The following ZNF678 variants were observed in gnomAD, a reference collection of about 807,000 sequenced individuals.
The protein encoded by ZNF678 is zinc finger protein 678.
A neutral mutation model predicts 3.0 loss-of-function variants in ZNF678; 5 were observed. The ratio of observed to expected loss-of-function variants is 1.69; its 90% CI spans 0.88 to 3.56. The LOEUF (loss-of-function observed/expected upper bound fraction) is 3.56. ZNF678 is among the 30% of genes most tolerant of loss of function. The pLI, the probability that ZNF678 is intolerant of heterozygous loss-of-function variation, is 0.00. For missense variants in ZNF678, 593 were observed against 605.0 expected (o/e 0.98, Z 0.21); for synonymous variants, 218 against 199.6 (o/e 1.09, Z -0.78).
At position 227,645,119 on chromosome 1, in the gene ZNF678, T is replaced by C. The variant is rs866634278; in HGVS notation, c.-163-1425T>C. Among the ~76,000 whole-genome samples, 3 of 152,238 alleles carry C rather than the reference T, an allele frequency of 2.0e-5. No individual in the cohort carries two copies. The South Asian group carries it at 6.2e-4, about 32-fold the overall frequency. Reference sequence around the variant, plus strand: ...ATTCTGACCTTTACGTAGGAGCTCATTGTTCCTGTCCTGTATGATGAAGAA... The same window carrying C: ...ATTCTGACCTTTACGTAGGAGCTCACTGTTCCTGTCCTGTATGATGAAGAA... On this transcript the variant is annotated intron_variant, in intron 1 of 3. Transcript: ENST00000343776.
intron 1 of ZNF678, among the ~76,000 whole-genome samples, chr1:227,569,753 CTTCTT>C (rs1656786956): frequency 1.3e-5 from 2 of 151,880 alleles, no homozygotes; most frequent in Non-Finnish European, 2.9e-5. Flanking sequence ...GACTTTTTTT[CTTCTT>C]TTCAATTTTG....
At position 227,654,419 on chromosome 1, in the gene ZNF678, A is replaced by G. The variant is rs747669122; in HGVS notation, c.169A>G (p.Arg57Gly). 8 of 1,612,368 alleles carry G rather than the reference A, an allele frequency of 5.0e-6. No individual in the cohort carries two copies. The African/African-American group carries it at 5.3e-5, about 11-fold the overall frequency. ...LCQKVTLTRH[R>G]SWGLDNLHLV... is the part of the protein sequence containing the mutation. Reference sequence around the variant, plus strand: ...CCAAAAAGTGACACTGACAAGACATAGAAGCTGGGGCCTTGACAATTTGCA... The same window carrying G: ...CCAAAAAGTGACACTGACAAGACATGGAAGCTGGGGCCTTGACAATTTGCA... The change falls in exon 4 of 4, where the codon AGA becomes GGA. Residue 57 changes from arginine (R) to glycine (G), a missense_variant. Coordinates refer to ENST00000343776, the MANE Select transcript of ZNF678 (RefSeq NM_001367909.1).
intron 1 of ZNF678, among the ~76,000 whole-genome samples, chr1:227,597,516 T>G (rs937460619): frequency 1.3e-5 from 2 of 152,240 alleles, no homozygotes; most frequent in South Asian, 4.1e-4. Context: ...TACCAGTGTC[T>G]ATTTAAAATA....
chr1:227,594,599 G>A (rs1320329744), intron 1 of ZNF678, among the ~76,000 whole-genome samples: 1 of 152,130 alleles, frequency 6.6e-6, no homozygotes, highest in Non-Finnish European at 1.5e-5. Flanking sequence ...TTTGATGTAG[G>A]TAAAAATTTA....
intron 2 of ZNF678, 111 bp downstream of exon 2, chr1:227,646,781 C>T: frequency 1.0e-6 from 1 of 994,704 alleles, no homozygotes; most frequent in Non-Finnish European, 1.4e-6. Flanking sequence ...AGTTTTTGAT[C>T]TCTGCTTCTA....
intron 2 of ZNF678, among the ~76,000 whole-genome samples, chr1:227,648,446 A>T (rs1169803741): frequency 6.6e-6 from 1 of 152,204 alleles, no homozygotes; most frequent in Admixed American, 6.5e-5. Flanking sequence ...TTGGAGTGAG[A>T]ATTCCTAATG....
intron 3 of ZNF678, among the ~76,000 whole-genome samples, chr1:227,651,835 A>C (rs918722219): frequency 6.6e-6 from 1 of 152,078 alleles, no homozygotes; most frequent in African/African-American, 2.4e-5. Context: ...CACCCTCTCA[A>C]ATAGCTGGAA....
At chr1:227,626,614 C>T (rs753092926) in intron 1 of ZNF678, among the ~76,000 whole-genome samples, 2 of 152,112 alleles carry the variant, frequency 1.3e-5, no homozygotes, top group South Asian at 2.1e-4. Context: ...TACAGCATTT[C>T]GTATGGGCTG....
chr1:227,669,399 G>C (rs1659561278), intron 5 of ZNF678, among the ~76,000 whole-genome samples: 1 of 152,090 alleles, frequency 6.6e-6, no homozygotes, highest in South Asian at 2.1e-4. Flanking sequence ...CACTTTGGGA[G>C]GCCGAGGCGG....
Position 227,631,285 on chromosome 1 carries a change from T to A in ZNF678, c.-163-15259T>A, listed in dbSNP as rs141461862. Among the ~76,000 whole-genome samples the A allele has an allele frequency of 3.1e-3, 472 of 152,322 alleles. 12 individuals carry two copies. The highest frequency in any genetic ancestry group is 0.028 in the Admixed American group (430 of 15,306). ...GGACCTCTGCTTATCGGATTAGTTA[T>A]GCTCACCAATATAACAGTCCTGCAC... is the stretch of plus-strand genomic sequence containing the variant. On this transcript the variant is annotated intron_variant, in intron 1 of 3. Coordinates refer to ENST00000343776, the MANE Select transcript of ZNF678 (RefSeq NM_001367909.1).
chr1:227,617,048 C>G (rs769036287), intron 1 of ZNF678, among the ~76,000 whole-genome samples: 1 of 152,166 alleles, frequency 6.6e-6, no homozygotes, highest in Non-Finnish European at 1.5e-5. Context: ...CTTTGCAAGG[C>G]TTCTATTAGT....
At chr1:227,597,870 A>C (rs1430689365) in intron 1 of ZNF678, among the ~76,000 whole-genome samples, 1 of 152,236 alleles carries the variant, frequency 6.6e-6, no homozygotes, top group Non-Finnish European at 1.5e-5. Context: ...CTATGTCCAC[A>C]ATACAGGATG....
chr1:227,575,451 C>CT (rs1460953015), intron 1 of ZNF678, among the ~76,000 whole-genome samples: 1 of 152,006 alleles, frequency 6.6e-6, no homozygotes, highest in African/African-American at 2.4e-5. Context: ...TTGTAGAGAT[C>CT]TTTCACCTTC....
At chr1:227,597,070 T>G (rs1033332836) in intron 1 of ZNF678, among the ~76,000 whole-genome samples, 10 of 152,206 alleles carry the variant, frequency 6.6e-5, no homozygotes, top group African/African-American at 2.2e-4. Context: ...TCCTACCACT[T>G]CATTGAGAAA....
intron 1 of ZNF678, among the ~76,000 whole-genome samples, chr1:227,575,437 C>T (rs910232865): frequency 1.3e-5 from 2 of 151,872 alleles, no homozygotes; most frequent in Non-Finnish European, 2.9e-5. Flanking sequence ...TTTTATAGTT[C>T]TCCTTGTAGA....
At chr1:227,633,663 T>A (rs1174679867) in intron 1 of ZNF678, among the ~76,000 whole-genome samples, 1 of 151,886 alleles carries the variant, frequency 6.6e-6, no homozygotes, top group African/African-American at 2.4e-5. Context: ...ACCCAGGGAG[T>A]GAGCATTTAA....
At chr1:227,670,892 G>A (rs1469653642) in intron 5 of ZNF678, among the ~76,000 whole-genome samples, 1 of 151,966 alleles carries the variant, frequency 6.6e-6, no homozygotes, top group Non-Finnish European at 1.5e-5. Context: ...TTTGGGACTG[G>A]GAGGCCAACA....
chr1:227,611,069 T>C (rs1320207647), intron 1 of ZNF678, among the ~76,000 whole-genome samples: 3 of 152,208 alleles, frequency 2.0e-5, no homozygotes, highest in Admixed American at 6.5e-5. Context: ...TTGTCTCAAT[T>C]TGTAGAGAAA....
Position 227,655,045 on chromosome 1 carries a change from C to T in ZNF678, c.795C>T (p.Tyr265=), listed in dbSNP as rs1659193566. Residue 265 remains tyrosine, a synonymous_variant, in exon 4 of 4, where the codon TAC becomes TAT. Coordinates refer to ENST00000343776, the MANE Select transcript of ZNF678 (RefSeq NM_001367909.1). Reference sequence around the variant, plus strand: ...GAATTCATACTGGAGAGAAACCTTACAAGTGTGAAGAATGTGGCAACGTTT... The same window carrying T: ...GAATTCATACTGGAGAGAAACCTTATAAGTGTGAAGAATGTGGCAACGTTT... ...HKRIHTGEKP[Y]KCEECGNVFN... 5 of 1,612,134 alleles carry T rather than the reference C, an allele frequency of 3.1e-6. No homozygotes were observed. The highest frequency in any genetic ancestry group is 1.3e-5 in the African/African-American group (1 of 74,802).
Sources: allele counts gnomAD v4.1 joint callset (sites outside exome capture counted in the v4.1 genomes callset), GRCh38; gene constraint gnomAD v4.1.1; transcripts MANE v1.5; gene names NCBI Gene and HGNC (gene_info 2026-07-23, HGNC 2026-07-21).